SNED1: variants seen among roughly 807,000 people sequenced by gnomAD.
SNED1 encodes the protein sushi, nidogen and EGF like domains 1.
A neutral mutation model predicts 166.7 loss-of-function variants in SNED1; 81 were observed. The observed-to-expected ratio is 0.49, with a 90% CI of 0.41 to 0.58. The LOEUF is 0.58. Ranked by LOEUF, SNED1 falls within the 20% of genes least tolerant of loss-of-function variation. The pLI, the probability that SNED1 is intolerant of heterozygous loss-of-function variation, is 0.00. For synonymous variants in SNED1, 762 were observed against 822.0 expected (o/e 0.93, Z 1.25); for missense variants, 1,604 against 2,000.2 (o/e 0.80, Z 3.78).
In SNED1 at chr2:241,052,528, T is replaced by G. The variant is rs112620951; in HGVS notation, c.2083+60T>G. ...GGATACCAGTGCCAGGCAGGTGAGA[T>G]GGCCAGGGCCCAAGCAGGGTACATG... On this transcript the variant is annotated intron_variant, in intron 15 of 31. Coordinates refer to ENST00000310397, the MANE Select transcript of SNED1 (RefSeq NM_001080437.3). 888 of 1,175,950 alleles carry G rather than the reference T, an allele frequency of 7.6e-4. 21 individuals carry two copies. The African/African-American group carries it at 0.015, about 20-fold the overall frequency. The allele number at this position is 1,175,950 out of a possible 1,614,324, so 72.8% of individuals were successfully genotyped here.
chr2:241,053,029 CG>C, intron 15 of SNED1, 123 bp from the exon 16 acceptor site: 1 of 899,916 alleles, frequency 1.1e-6, no homozygotes, highest in South Asian at 1.7e-5. Flanking sequence ...CACCTTTCCC[CG>C]GTGAAGGGCA....
At chr2:240,998,510 G>A (rs903560639), upstream of SNED1, among the ~76,000 whole-genome samples, 1 of 151,936 alleles carries the variant, frequency 6.6e-6, no homozygotes, top group Non-Finnish European at 1.5e-5. Context: ...GCGCGCCCGC[G>A]CCCTCCCACG....
chr2:241,081,775 G>C lies in SNED1; in HGVS notation c.4015G>C (p.Gly1339Arg). The C allele has an allele frequency of 6.3e-7, 1 of 1,594,190 alleles. No homozygotes were observed. The highest frequency in any genetic ancestry group is 1.7e-4 in the Middle Eastern group (1 of 6,030). ...HSCDCGPGFK[G>R]RRCELACIKV... ...CTGTGACTGCGGGCCAGGGTTCAAA[G>C]GCAGACGCTGCGAGCTCGGTAAGTC... is the stretch of plus-strand genomic sequence containing the variant. The change falls in exon 28 of 32, where the codon GGC becomes CGC. Residue 1339 changes from glycine to arginine, a missense_variant. Transcript: ENST00000310397.
intron 1 of SNED1, among the ~76,000 whole-genome samples, chr2:241,009,887 C>T (rs1015499454): frequency 1.3e-4 from 20 of 152,214 alleles, no homozygotes; most frequent in African/African-American, 4.8e-4. Context: ...GGGCCAGCCT[C>T]CTTCCCTTCA....
At chr2:241,010,267 G>C (rs577490292) in intron 1 of SNED1, 1 of 152,286 alleles carries the variant, frequency 6.6e-6, no homozygotes, top group Non-Finnish European at 1.5e-5. Context: ...GCTCAGGTCC[G>C]GGGGAGCAGG....
chr2:241,031,235 G>C (rs927528514), intron 2 of SNED1, among the ~76,000 whole-genome samples: 101 of 152,170 alleles, frequency 6.6e-4, no homozygotes, highest in African/African-American at 2.4e-3. Context: ...CACGATCTCA[G>C]CTCACTGCAA....
chr2:241,053,033 G>A lies in SNED1; in HGVS notation c.2084-120G>A. 8.6e-6 allele frequency: 8 copies of A among 934,376 alleles called. No individual in the cohort carries two copies. The East Asian group carries it at 1.3e-4, about 15-fold the overall frequency. 57.9% of individuals were successfully genotyped at this position (934,376 alleles called of 1,614,324 possible). On this transcript the variant is annotated intron_variant, in intron 15 of 31. Coordinates refer to ENST00000310397, the MANE Select transcript of SNED1 (RefSeq NM_001080437.3). ...AGAAGTCGAGGCACCTTTCCCCGGT[G>A]AAGGGCAGTGTGGGAGCAGGACATC...
chr2:241,057,408 T>TATATATATATATATATATATATGC (rs1255227866), intron 16 of SNED1, among the ~76,000 whole-genome samples: 1 of 119,206 alleles, frequency 8.4e-6, no homozygotes, highest in African/African-American at 3.1e-5. Context: ...TATATATATA[T>TATATATATATATATATATATATGC]ATATGCCATA....
At chr2:241,038,531 T>C (rs2061437858) in intron 6 of SNED1, among the ~76,000 whole-genome samples, 1 of 152,238 alleles carries the variant, frequency 6.6e-6, no homozygotes, top group Non-Finnish European at 1.5e-5. Flanking sequence ...AGATCACACA[T>C]AGGTGACAGC....
chr2:241,006,258 A>G (rs1357182883), intron 1 of SNED1, among the ~76,000 whole-genome samples: 1 of 151,358 alleles, frequency 6.6e-6, no homozygotes, highest in Non-Finnish European at 1.5e-5. Flanking sequence ...TGCATTTTTC[A>G]TTTCTTCCCT....
At chr2:241,043,840 T>G (rs2061576555) in intron 8 of SNED1, among the ~76,000 whole-genome samples, 1 of 152,214 alleles carries the variant, frequency 6.6e-6, no homozygotes, top group African/African-American at 2.4e-5. Flanking sequence ...TGAATAGGTA[T>G]GGCTGTGTTC....
chr2:241,080,543 A>T (rs1011967834), intron 27 of SNED1, among the ~76,000 whole-genome samples: 1 of 152,150 alleles, frequency 6.6e-6, no homozygotes, highest in African/African-American at 2.4e-5. Context: ...ATGTGGACAA[A>T]ATAAGCCCAG....
chr2:241,011,634 A>G (rs2060407297), intron 1 of SNED1, among the ~76,000 whole-genome samples: 1 of 152,228 alleles, frequency 6.6e-6, no homozygotes, highest in Non-Finnish European at 1.5e-5. Context: ...CAAGTAGGCA[A>G]ATAACAATAA....
intron 29 of SNED1, among the ~76,000 whole-genome samples, chr2:241,086,510 C>T (rs2063583711): frequency 6.6e-6 from 1 of 152,240 alleles, no homozygotes; most frequent in Non-Finnish European, 1.5e-5. Flanking sequence ...GACCACAGGA[C>T]TCATCTCATC....
At chr2:241,035,132 C>G (rs1034267553) in intron 4 of SNED1, among the ~76,000 whole-genome samples, 2 of 152,076 alleles carry the variant, frequency 1.3e-5, no homozygotes, top group African/African-American at 4.8e-5. Context: ...TCCCCTTATT[C>G]CCACCCAGCC....
chr2:241,046,878 C>T (rs983322818), intron 8 of SNED1, among the ~76,000 whole-genome samples: 2 of 152,262 alleles, frequency 1.3e-5, no homozygotes, highest in Non-Finnish European at 1.5e-5. Flanking sequence ...GGCGTGGTGG[C>T]TCACCCCTGT....
intron 31 of SNED1, 140 bp downstream of exon 31, chr2:241,088,542 A>G: frequency 1.4e-6 from 1 of 711,620 alleles, no homozygotes; most frequent in East Asian, 2.5e-5. Context: ...CTGCTGTGTT[A>G]CAGACTCCCG....
In SNED1 at chr2:240,999,790, CT is replaced by C. The variant is rs1203077950; in HGVS notation, c.213+742del. On this transcript the variant is annotated intron_variant, in intron 1 of 31. Coordinates refer to ENST00000310397, the MANE Select transcript of SNED1 (RefSeq NM_001080437.3). This position sits in a 1 kb window ranked among gnomAD's most constrained non-coding sequence, Gnocchi z 5.8. ...CCAGAGTGTGACCCCAGGCCAAGCC[CT>C]TATGGCAGCCCAGGGAATGAAATGC... 2.0e-5 allele frequency among the ~76,000 whole-genome samples: 3 copies of C among 152,314 alleles called. No homozygotes were observed. The highest frequency in any genetic ancestry group is 6.5e-5 in the Admixed American group (1 of 15,304).
chr2:241,071,080 A>AGGGAAG (rs1373029951), intron 24 of SNED1, among the ~76,000 whole-genome samples: 1 of 152,014 alleles, frequency 6.6e-6, no homozygotes, highest in Non-Finnish European at 1.5e-5. Flanking sequence ...TGAGAGGGAG[A>AGGGAAG]GGGAAGGGGA....
Sources: allele counts gnomAD v4.1 joint callset (sites outside exome capture counted in the v4.1 genomes callset), GRCh38; gene constraint gnomAD v4.1.1; non-coding constraint Gnocchi (gnomAD v3.1); transcripts MANE v1.5; gene names NCBI Gene and HGNC (gene_info 2026-07-23, HGNC 2026-07-21).